DOCK9: variants seen among roughly 807,000 people sequenced by gnomAD.
DOCK9 encodes the protein dedicator of cytokinesis protein 9.
DOCK9 carries 89 observed loss-of-function variants against 263.3 expected under a neutral mutation model. That is an observed-to-expected ratio of 0.34 (90% CI 0.28 to 0.40). The LOEUF is 0.40. Among genes scored for constraint, DOCK9 ranks in the 10% least tolerant of loss-of-function variants. The probability of loss-of-function intolerance (pLI) is 1.00; values close to 1 mark genes in which losing one functional copy is unlikely to be tolerated. For synonymous variants in DOCK9, 976 were observed against 973.1 expected, an observed-to-expected ratio of 1.00 and a Z score of -0.06; for missense variants, 2,140 against 2,603.4, an observed-to-expected ratio of 0.82 and a Z score of 3.87.
At chr13:98,899,423 A>G (rs2047935526) in intron 13 of DOCK9, among the ~76,000 whole-genome samples, 1 of 152,302 alleles carries the variant, frequency 6.6e-6, no homozygotes, top group Non-Finnish European at 1.5e-5. Flanking sequence ...GATCCCTTTC[A>G]GTTGCAAAAC....
chr13:98,943,958 C>T (rs1278918601), intron 2 of DOCK9, among the ~76,000 whole-genome samples: 1 of 152,186 alleles, frequency 6.6e-6, no homozygotes. Flanking sequence ...CTATCCATGC[C>T]TGTTGATTAC....
chr13:98,839,663 G>A (rs2093136932), intron 38 of DOCK9, among the ~76,000 whole-genome samples: 1 of 152,214 alleles, frequency 6.6e-6, no homozygotes, highest in Non-Finnish European at 1.5e-5. Context: ...AGTGCATCTA[G>A]GTGATGATTA....
intron 1 of DOCK9, among the ~76,000 whole-genome samples, chr13:99,079,795 T>G (rs2042054805): frequency 6.6e-6 from 1 of 152,008 alleles, no homozygotes; most frequent in Non-Finnish European, 1.5e-5. Context: ...ATCCCTGCAC[T>G]TTGGGATGCC....
At chr13:98,810,558 A>C (rs1017938889) in intron 45 of DOCK9, among the ~76,000 whole-genome samples, 6 of 152,178 alleles carry the variant, frequency 3.9e-5, no homozygotes, top group African/African-American at 1.4e-4. Context: ...TGCATAATAC[A>C]TGGAAAAACT....
At chr13:98,800,764 C>G (rs1191912101) in intron 49 of DOCK9, among the ~76,000 whole-genome samples, 2 of 152,116 alleles carry the variant, frequency 1.3e-5, no homozygotes, top group Non-Finnish European at 2.9e-5. Flanking sequence ...CCACTCAAAC[C>G]TTCCTTGGAA....
intron 13 of DOCK9, 41 bp downstream of exon 13, chr13:98,901,737 G>C: frequency 6.3e-7 from 1 of 1,599,128 alleles, no homozygotes; most frequent in South Asian, 1.1e-5. Flanking sequence ...CCTCTTTTCA[G>C]ATTGCTTTTT....
chr13:98,807,537 C>T, intron 48 of DOCK9, 124 bp downstream of exon 48: 1 of 829,518 alleles, frequency 1.2e-6, no homozygotes, highest in Non-Finnish European at 1.7e-6. Flanking sequence ...AATACACCTG[C>T]CACTCACGGC....
chr13:98,943,482 A>G (rs16956116), intron 2 of DOCK9, among the ~76,000 whole-genome samples: 30,674 of 152,140 alleles, frequency 0.2, 3,625 homozygotes, highest in African/African-American at 0.33. Context: ...TAGGAATTCT[A>G]AGGCCAAAAC....
intron 5 of DOCK9, among the ~76,000 whole-genome samples, chr13:98,922,874 C>T (rs7984548): frequency 0.63 from 96,281 of 152,016 alleles, 31,196 homozygotes; most frequent in Middle Eastern, 0.77. Context: ...CATGAGCTTT[C>T]CTCTAGGAAT....
intron 1 of DOCK9, among the ~76,000 whole-genome samples, chr13:99,010,727 AT>A (rs1884328039): frequency 1.3e-5 from 2 of 152,210 alleles, no homozygotes; most frequent in African/African-American, 4.8e-5. Flanking sequence ...ACATCTCCTA[AT>A]GTAGCGCCCA....
intron 1 of DOCK9, among the ~76,000 whole-genome samples, chr13:99,067,960 T>TC (rs1163808293): frequency 6.6e-6 from 1 of 150,420 alleles, no homozygotes; most frequent in Admixed American, 6.6e-5. Flanking sequence ...TCTGAAACTC[T>TC]CCCCCATCAA....
intron 1 of DOCK9, among the ~76,000 whole-genome samples, chr13:99,014,506 C>G (rs1885068470): frequency 6.6e-6 from 1 of 152,156 alleles, no homozygotes; most frequent in Admixed American, 6.5e-5. Context: ...CTCTGGGTTC[C>G]CGCAGGCTGG....
chr13:98,816,717 T>G (rs1445114020), intron 45 of DOCK9, among the ~76,000 whole-genome samples: 2 of 144,396 alleles, frequency 1.4e-5, no homozygotes, highest in Non-Finnish European at 3.0e-5. Flanking sequence ...ATCGGGTTAG[T>G]CAGGTGAAAG....
chr13:99,070,192 A>AT (rs1336786921), intron 1 of DOCK9, among the ~76,000 whole-genome samples: 1 of 152,232 alleles, frequency 6.6e-6, no homozygotes, highest in Non-Finnish European at 1.5e-5. Context: ...CACAATGCCC[A>AT]TGTGTACAAG....
At chr13:98,817,586 T>A (rs1465440262) in intron 45 of DOCK9, among the ~76,000 whole-genome samples, 2 of 150,100 alleles carry the variant, frequency 1.3e-5, no homozygotes, top group Admixed American at 1.3e-4. Context: ...AGCCACCACA[T>A]CTAGCCTAAA....
chr13:98,945,584 C>T (rs1463703073), intron 2 of DOCK9, among the ~76,000 whole-genome samples: 1 of 152,210 alleles, frequency 6.6e-6, no homozygotes, highest in East Asian at 1.9e-4. Context: ...GGGTCACTCA[C>T]TCTCACCTAC....
chr13:98,844,848 AAG>A (rs535078937), intron 38 of DOCK9, among the ~76,000 whole-genome samples: 146 of 152,338 alleles, frequency 9.6e-4, no homozygotes, highest in African/African-American at 3.5e-3. Flanking sequence ...GTATTTTAAA[AAG>A]AGGTGTGAAA....
intron 27 of DOCK9, among the ~76,000 whole-genome samples, chr13:98,878,682 C>T (rs1289105453): frequency 6.6e-6 from 1 of 152,196 alleles, no homozygotes; most frequent in Non-Finnish European, 1.5e-5. Flanking sequence ...TCTGGCATCT[C>T]CCTATGCACT....
chr13:98,873,748 G>A (rs535364977), intron 27 of DOCK9, among the ~76,000 whole-genome samples: 1 of 152,354 alleles, frequency 6.6e-6, no homozygotes, highest in African/African-American at 2.4e-5. Context: ...CCTCTTATGA[G>A]CTTGGGGTTT....
Sources: gnomAD v4.1 joint callset for allele counts (sites outside exome capture counted in the v4.1 genomes callset) on GRCh38, gnomAD v4.1.1 for gene constraint, MANE v1.5 for transcripts, NCBI Gene and HGNC (gene_info 2026-07-23, HGNC 2026-07-21) for gene names.